RLF: variants seen among roughly 807,000 people sequenced by gnomAD.
RLF encodes the protein zinc finger protein Rlf.
A neutral mutation model predicts 162.9 loss-of-function variants in RLF; 7 were observed. The ratio of observed to expected loss-of-function variants is 0.04; its 90% CI spans 0.02 to 0.08. The LOEUF (loss-of-function observed/expected upper bound fraction) is 0.08, where lower values mean the gene tolerates loss of function less well. RLF is among the 10% of genes least tolerant of loss of function. The probability of loss-of-function intolerance (pLI) is 1.00; values close to 1 mark genes in which losing one functional copy is unlikely to be tolerated. For synonymous variants in RLF, 782 were observed against 791.5 expected, an observed-to-expected ratio of 0.99 and a Z score of 0.20; for missense variants, 1,664 against 2,244.7, an observed-to-expected ratio of 0.74 and a Z score of 5.23.
In RLF at chr1:40,205,485, CTTTTTTTTTTT is replaced by C. The variant is rs36038824; in HGVS notation, c.810+2883_810+2893del. On this transcript the variant is annotated intron_variant, in intron 5 of 7. Coordinates refer to ENST00000372771, the MANE Select transcript of RLF (RefSeq NM_012421.4). The stretch of plus-strand genomic sequence containing the variant: ...TTACTATCGAACATTTTCCTTCCTT[CTTTTTTTTTTT>C]TTTTTTTTTTTGGGACAGAGTCTCG... Among the ~76,000 whole-genome samples, 18 of 107,056 alleles carry C rather than the reference CTTTTTTTTTTT, an allele frequency of 1.7e-4. No homozygotes were observed. In the East Asian group the frequency reaches 3.7e-3, roughly 22 times the overall value. The allele number at this position is 107,056 out of a possible 152,430, so 70.2% of individuals were successfully genotyped here.
chr1:40,173,996 C>T (rs1642281219), intron 1 of RLF, among the ~76,000 whole-genome samples: 1 of 152,170 alleles, frequency 6.6e-6, no homozygotes, highest in African/African-American at 2.4e-5. Context: ...CTCTTATAAT[C>T]AATTCTTCTA....
chr1:40,227,595 A>G (rs1449230084), intron 6 of RLF, among the ~76,000 whole-genome samples: 2 of 152,360 alleles, frequency 1.3e-5, no homozygotes, highest in East Asian at 1.9e-4. Flanking sequence ...TTTTTACAAA[A>G]TACACCATAA....
intron 1 of RLF, among the ~76,000 whole-genome samples, chr1:40,184,264 A>G (rs996695919): frequency 6.6e-6 from 1 of 152,232 alleles, no homozygotes; most frequent in African/African-American, 2.4e-5. Flanking sequence ...AATTTTTTCA[A>G]TGTACAGACA....
At chr1:40,164,918 C>T (rs1312543096) in intron 1 of RLF, among the ~76,000 whole-genome samples, 1 of 152,014 alleles carries the variant, frequency 6.6e-6, no homozygotes, top group East Asian at 1.9e-4. Flanking sequence ...TTAAAATTTC[C>T]ATTTTTCCTA....
At chr1:40,205,481 C>A (rs1642778086) in intron 5 of RLF, among the ~76,000 whole-genome samples, 2 of 145,394 alleles carry the variant, frequency 1.4e-5, no homozygotes, top group Non-Finnish European at 3.0e-5. Flanking sequence ...CATTTTCCTT[C>A]CTTCTTTTTT....
intron 4 of RLF, among the ~76,000 whole-genome samples, chr1:40,201,625 CAAAAAAA>C (rs35897680): frequency 6.6e-5 from 6 of 91,532 alleles, no homozygotes; most frequent in Admixed American, 1.2e-4. Flanking sequence ...GACTTCATCT[CAAAAAAA>C]AAAAAAAAAA....
intron 1 of RLF, among the ~76,000 whole-genome samples, chr1:40,168,304 A>G (rs1642193887): frequency 6.6e-6 from 1 of 152,200 alleles, no homozygotes. Context: ...GCTGGAGTGC[A>G]ATGGTAAGAT....
rs34756935 is a variant in RLF, at chr1:40,214,918, C to CAAAA, written c.811-7632_811-7629dup. Among the ~76,000 whole-genome samples the CAAAA allele has an allele frequency of 7.3e-3, 105 of 14,398 alleles. 15 individuals are homozygous for CAAAA. Among genetic ancestry groups the CAAAA allele is most frequent in the East Asian group, 0.033 (12 of 362 alleles). 9.4% of individuals were successfully genotyped at this position (14,398 alleles called of 152,430 possible). A position where few individuals can be genotyped will look rare whatever the true frequency, so the allele number is the denominator to read the frequency against. On this transcript the variant is annotated intron_variant, in intron 5 of 7. Coordinates refer to ENST00000372771, the MANE Select transcript of RLF (RefSeq NM_012421.4). ...CACCTGGACAAGAGTGAGCCTGTCT[C>CAAAA]AAAAAAAAAAAAAAAAAAAAAAAAA... is the stretch of plus-strand genomic sequence containing the variant.
intron 6 of RLF, among the ~76,000 whole-genome samples, chr1:40,224,306 C>CTTTTT (rs869123049): frequency 7.8e-6 from 1 of 127,950 alleles, no homozygotes; most frequent in Non-Finnish European, 1.7e-5. Flanking sequence ...GCAATTGCAT[C>CTTTTT]TTTTTTTTTT....
chr1:40,198,013 T>G (rs1439612177), intron 4 of RLF, among the ~76,000 whole-genome samples: 1 of 152,050 alleles, frequency 6.6e-6, no homozygotes, highest in African/African-American at 2.4e-5. Context: ...TCTTTTCTGT[T>G]TTTTTTTGAA....
chr1:40,214,564 A>C (rs1466688929), intron 5 of RLF, among the ~76,000 whole-genome samples: 1 of 152,158 alleles, frequency 6.6e-6, no homozygotes, highest in African/African-American at 2.4e-5. Context: ...ATACACAAAT[A>C]CAGAATCTGC....
chr1:40,190,367 C>T (rs1642539368), intron 2 of RLF, among the ~76,000 whole-genome samples: 1 of 152,150 alleles, frequency 6.6e-6, no homozygotes, highest in South Asian at 2.1e-4. Flanking sequence ...TGACAGAAAC[C>T]TATAGATAAC....
chr1:40,182,985 T>A (rs1642427129), intron 1 of RLF, among the ~76,000 whole-genome samples: 1 of 152,182 alleles, frequency 6.6e-6, no homozygotes, highest in African/African-American at 2.4e-5. Flanking sequence ...CAGCTTAGTC[T>A]CTTGATGGCA....
At chr1:40,220,601 T>C (rs1408660493) in intron 5 of RLF, among the ~76,000 whole-genome samples, 1 of 152,222 alleles carries the variant, frequency 6.6e-6, no homozygotes, top group Non-Finnish European at 1.5e-5. Flanking sequence ...CAACCCTGAC[T>C]AGACTGTGAT....
intron 5 of RLF, among the ~76,000 whole-genome samples, chr1:40,213,844 A>G (rs1642892106): frequency 6.6e-6 from 1 of 152,244 alleles, no homozygotes; most frequent in African/African-American, 2.4e-5. Flanking sequence ...TAAAATATTA[A>G]TGGCACTGGC....
At position 40,181,990 on chromosome 1, in the gene RLF, CATT is replaced by C. The variant is rs1474468699; in HGVS notation, c.238-7062_238-7060del. ...TATATAATACTGCAAAGTTAGAAGA[CATT>C]ATGTCCATAAATAAATAATTGGGTA... is the stretch of plus-strand genomic sequence containing the variant. On this transcript the variant is annotated intron_variant, in intron 1 of 7. Coordinates refer to ENST00000372771, the MANE Select transcript of RLF (RefSeq NM_012421.4). 2.8e-4 allele frequency among the ~76,000 whole-genome samples: 43 copies of C among 152,232 alleles called. 1 individual carries two copies. The East Asian group carries it at 5.0e-3, about 18-fold the overall frequency.
chr1:40,194,267 T>G (rs967434602), intron 3 of RLF, among the ~76,000 whole-genome samples: 1 of 152,212 alleles, frequency 6.6e-6, no homozygotes, highest in South Asian at 2.1e-4. Context: ...TAAGTAATAC[T>G]CCTGTAATTC....
Position 40,239,820 on chromosome 1 carries a change from G to A in RLF, c.5118G>A (p.Gly1706=), listed in dbSNP as rs1358054397. 1.2e-6 allele frequency: 2 copies of A among 1,614,014 alleles called. No homozygotes were observed. The highest frequency in any genetic ancestry group is 3.3e-5 in the Admixed American group (2 of 60,002). The part of the protein sequence containing the change: ...KIENSIPNPN[G]TESGTYFTSF... ...AAAATTCCATACCTAATCCCAATGG[G>A]ACTGAAAGTGGGACTTATTTCACAA... The change falls in exon 8 of 8, where the codon GGG becomes GGA. Residue 1706 remains glycine, a synonymous_variant. Coordinates refer to ENST00000372771, the MANE Select transcript of RLF (RefSeq NM_012421.4).
In RLF at chr1:40,237,425, T is replaced by C. The variant is rs1643230689; in HGVS notation, c.2723T>C (p.Met908Thr). The change falls in exon 8 of 8, where the codon ATG becomes ACG. Residue 908 changes from methionine to threonine, a missense_variant. Met to Thr is a moderately conservative substitution (Grantham distance 81). Around this residue, in one of 15 missense-constraint regions of RLF, gnomAD observed 295 missense variants for 317.4 expected, o/e 0.93. Coordinates refer to ENST00000372771, the MANE Select transcript of RLF (RefSeq NM_012421.4). This position sits in a 1 kb window ranked among gnomAD's most constrained non-coding sequence, Gnocchi z 4.4. ...TTAAGTCATAGCTCTTCAGCTTCAA[T>C]GAATGAAGAGCTAATTGACACACTA... is the stretch of plus-strand genomic sequence containing the variant. ...DQLSHSSSASMNEELIDTLDH... is the reference protein window; with the variant it reads ...DQLSHSSSASTNEELIDTLDH... The C allele has an allele frequency of 6.2e-7, 1 of 1,614,020 alleles. No homozygotes were observed.
Sources: allele counts gnomAD v4.1 joint callset (sites outside exome capture counted in the v4.1 genomes callset), GRCh38; gene constraint gnomAD v4.1.1; regional missense constraint gnomAD v4.1.1; non-coding constraint Gnocchi (gnomAD v3.1); transcripts MANE v1.5; gene names NCBI Gene and HGNC (gene_info 2026-07-23, HGNC 2026-07-21).